The following ANKS3 variants were observed in gnomAD, a reference collection of about 807,000 sequenced individuals.
The protein encoded by ANKS3 is ankyrin repeat and sterile alpha motif domain containing 3.
In ANKS3, 62 loss-of-function variants were observed where a neutral mutation model predicts 80.7. The observed-to-expected ratio is 0.77, with a 90% confidence interval of 0.63 to 0.95. ANKS3 has a LOEUF of 0.95. ANKS3 is among the 40% of genes least tolerant of loss of function. ANKS3 has a pLI of 0.00. For missense variants in ANKS3, 1,150 were observed against 883.6 expected (o/e 1.30, Z -3.82); for synonymous variants, 489 against 355.3 (o/e 1.38, Z -4.23).
At chr16:4,697,214 C>T in intron 16 of ANKS3, 110 bp from the exon 17 acceptor site, 3 of 1,551,814 alleles carry the variant, frequency 1.9e-6, no homozygotes, top group Non-Finnish European at 2.7e-6. Context: ...CGTTATGGCC[C>T]CAGCCCCGAG....
intron 7 of ANKS3, among the ~76,000 whole-genome samples, chr16:4,705,893 C>T (rs985819327): frequency 2.6e-5 from 4 of 151,892 alleles, no homozygotes; most frequent in Non-Finnish European, 4.4e-5. Flanking sequence ...TAAGTCACAA[C>T]TACTTTTTCC....
At position 4,698,023 on chromosome 16, in the gene ANKS3, G is replaced by C. The variant is rs965159615; in HGVS notation, c.1764C>G (p.Asp588Glu). Residue 588 changes from aspartate (D) to glutamate (E), a missense_variant, in exon 15 of 18, where the codon GAC (aspartate) becomes GAG (glutamate). Physicochemically the swap from Asp to Glu is conservative, Grantham distance 45 (BLOSUM62 2). Transcript: ENST00000304283. ...QAELSSRVRQDQPPGAATLGL... is the reference protein window; with the variant it reads ...QAELSSRVRQEQPPGAATLGL... The stretch of plus-strand genomic sequence containing the variant: ...CCAGAGTGGCTGCACCAGGGGGCTG[G>C]TCCTGCCTCACTCGAGATGACAGCT... 6.2e-6 allele frequency: 10 copies of C among 1,608,918 alleles called. No homozygotes were observed. The highest frequency in any genetic ancestry group is 1.7e-4 in the Middle Eastern group (1 of 6,046).
intron 7 of ANKS3, among the ~76,000 whole-genome samples, chr16:4,711,718 C>CAAAA (rs34030042): frequency 5.3e-5 from 3 of 56,802 alleles, no homozygotes; most frequent in Admixed American, 3.1e-4. Context: ...AACTCTGTCT[C>CAAAA]AAAAAAAAAA....
intron 1 of ANKS3, among the ~76,000 whole-genome samples, chr16:4,733,070 G>A (rs984639933): frequency 7.9e-5 from 12 of 152,006 alleles, no homozygotes; most frequent in Non-Finnish European, 1.8e-4. Flanking sequence ...GTTACTTCTA[G>A]TGTAACCAAG....
intron 7 of ANKS3, among the ~76,000 whole-genome samples, chr16:4,710,578 G>A (rs1322930819): frequency 2.0e-5 from 3 of 151,988 alleles, no homozygotes; most frequent in African/African-American, 7.2e-5. Flanking sequence ...GCGTGGTAGG[G>A]TGCACCTACA....
intron 3 of ANKS3, 25 bp from the exon 4 acceptor site, chr16:4,727,202 A>G (rs747311126): frequency 1.2e-6 from 2 of 1,610,950 alleles, no homozygotes; most frequent in Non-Finnish European, 1.7e-6. Flanking sequence ...GATATGCTAG[A>G]CATGGCCAGC....
Position 4,729,887 on chromosome 16 carries a change from C to T in ANKS3, c.170+93G>A, listed in dbSNP as rs375618037. On this transcript the variant is annotated intron_variant, in intron 3 of 17. Transcript: ENST00000304283. Reference sequence around the variant, plus strand: ...GTTAACCTATTCTACACGCATTAAACATCCACAACTGTGTGCAAAGCCCCA... The same window carrying T: ...GTTAACCTATTCTACACGCATTAAATATCCACAACTGTGTGCAAAGCCCCA... The T allele has an allele frequency of 6.5e-6, 8 of 1,240,080 alleles. No homozygotes were observed. In the African/African-American group the frequency reaches 1.1e-4, roughly 17 times the overall value. 76.8% of individuals were successfully genotyped at this position (1,240,080 alleles called of 1,614,324 possible).
chr16:4,700,066 A>G (rs1217908136), intron 11 of ANKS3: 2 of 152,444 alleles, frequency 1.3e-5, no homozygotes, highest in African/African-American at 4.8e-5. Context: ...GAAGCCGGCA[A>G]ATCCAAGGCT....
chr16:4,729,015 G>A (rs2081494070), intron 3 of ANKS3, among the ~76,000 whole-genome samples: 1 of 152,218 alleles, frequency 6.6e-6, no homozygotes, highest in Admixed American at 6.5e-5. Flanking sequence ...GAGAGGAAGA[G>A]AGGTCGCTGC....
intron 11 of ANKS3, chr16:4,700,490 G>C (rs998735848): frequency 1.3e-5 from 4 of 304,462 alleles, no homozygotes; most frequent in Non-Finnish European, 2.6e-5. Context: ...CCCACACAGG[G>C]TAGGAGAACT....
intron 3 of ANKS3, among the ~76,000 whole-genome samples, chr16:4,728,801 T>G (rs9922549): frequency 0.046 from 6,959 of 152,210 alleles, 507 homozygotes; most frequent in African/African-American, 0.16. Context: ...CGTGACCCTT[T>G]GAGGGGCCGT....
intron 5 of ANKS3, among the ~76,000 whole-genome samples, 170 bp downstream of exon 5, chr16:4,726,489 T>C (rs551195238): frequency 6.6e-6 from 1 of 152,218 alleles, no homozygotes; most frequent in Admixed American, 6.5e-5. Context: ...ATCTCACAGA[T>C]GTACGAAAAG....
chr16:4,698,299 G>A (rs1377279781), intron 14 of ANKS3, 128 bp downstream of exon 14: 4 of 1,313,828 alleles, frequency 3.0e-6, no homozygotes, highest in Non-Finnish European at 3.0e-6. Flanking sequence ...TGAAATGGGG[G>A]TGGGGTGGCT....
intron 6 of ANKS3, among the ~76,000 whole-genome samples, chr16:4,719,204 C>T (rs543338695): frequency 1.3e-5 from 2 of 152,190 alleles, no homozygotes; most frequent in African/African-American, 4.8e-5. Flanking sequence ...TGATAGCATG[C>T]GCTTGTGGTC....
intron 8 of ANKS3, among the ~76,000 whole-genome samples, chr16:4,704,884 G>A (rs1451276983): frequency 6.6e-6 from 1 of 152,190 alleles, no homozygotes. Context: ...AGGAGATAAA[G>A]CAAAAAACAA....
Position 4,698,949 on chromosome 16 carries a change from G to C in ANKS3, c.1410-8C>G, listed in dbSNP as rs373447329. On this transcript the variant is annotated splice_polypyrimidine_tract_variant and splice_region_variant and intron_variant, in intron 12 of 17. Transcript: ENST00000304283. ...CTCTTGGGCCCAAACAGCCTGCGGGGGGAATGTGACCAGGATATGCCTCAG... is the reference window on the plus strand; with the variant it reads ...CTCTTGGGCCCAAACAGCCTGCGGGCGGAATGTGACCAGGATATGCCTCAG... 2.4e-5 allele frequency: 38 copies of C among 1,605,782 alleles called. No individual in the cohort carries two copies. Among genetic ancestry groups the C allele is most frequent in the Non-Finnish European group, 3.0e-5 (35 of 1,174,528 alleles).
chr16:4,726,794 C>A lies in ANKS3; in HGVS notation c.370-14G>T. 6.2e-7 allele frequency: 1 copy of A among 1,610,820 alleles called. No homozygotes were observed. ...CTCTGCACCTTGCTTCAAGAGAACA[C>A]AGAACGTGCGTTACGGCCTCATCTC... On this transcript the variant is annotated splice_polypyrimidine_tract_variant and intron_variant, in intron 4 of 17. Transcript: ENST00000304283.
In ANKS3 at chr16:4,726,581, G is replaced by A. The variant is rs1018384215; in HGVS notation, c.491+78C>T. 3 of 1,520,116 alleles carry A rather than the reference G, an allele frequency of 2.0e-6. No homozygotes were observed. In the South Asian group the frequency reaches 3.5e-5, roughly 18 times the overall value. 94.2% of individuals were successfully genotyped at this position (1,520,116 alleles called of 1,614,324 possible). On this transcript the variant is annotated intron_variant, in intron 5 of 17. Transcript: ENST00000304283. ...GCAGGGTGGCCCTAAACTCTGGTTA[G>A]CTGCCTCCAGAGCCACCCTCCTTAG...
chr16:4,706,064 A>G (rs1372832190), intron 7 of ANKS3, among the ~76,000 whole-genome samples: 1 of 151,592 alleles, frequency 6.6e-6, no homozygotes, highest in Non-Finnish European at 1.5e-5. Flanking sequence ...ATACCCAGCT[A>G]ATTTTTATAT....
Sources: allele counts gnomAD v4.1 joint callset (sites outside exome capture counted in the v4.1 genomes callset), GRCh38; gene constraint gnomAD v4.1.1; transcripts MANE v1.5; gene names NCBI Gene and HGNC (gene_info 2026-07-23, HGNC 2026-07-21).